AGBL1: variants seen among roughly 807,000 people sequenced by gnomAD.
AGBL1 encodes AGBL carboxypeptidase 1.
In AGBL1, 130 loss-of-function variants were observed where a neutral mutation model predicts 118.9. That is an observed-to-expected ratio of 1.09 (90% CI 0.95 to 1.26). AGBL1 has a LOEUF of 1.26. Ranked by LOEUF, AGBL1 falls within the 50% of genes most tolerant of loss-of-function variation. AGBL1 has a pLI of 0.00. For missense variants in AGBL1, 1,584 were observed against 1,298.1 expected (o/e 1.22, Z -3.38); for synonymous variants, 555 against 478.9 (o/e 1.16, Z -2.08).
chr15:86,474,432 C>T (rs1158842921), intron 18 of AGBL1, among the ~76,000 whole-genome samples: 1 of 152,196 alleles, frequency 6.6e-6, no homozygotes, highest in African/African-American at 2.4e-5. Flanking sequence ...AATTATATCC[C>T]GTGCCTGGCT....
At position 86,485,294 on chromosome 15, in the gene AGBL1, T is replaced by G. The variant is rs191162688; in HGVS notation, c.2556-37516T>G. On this transcript the variant is annotated intron_variant, in intron 18 of 22. Transcript: ENST00000614907. ...TGATCTTCGTGCAAAGTTTGAAGAG[T>G]GCTGCTCAAAGCCACATCTGAATAA... Among the ~76,000 whole-genome samples the G allele has an allele frequency of 3.9e-5, 6 of 152,286 alleles. No individual in the cohort carries two copies. In the East Asian group the frequency reaches 1.2e-3, roughly 29 times the overall value.
chr15:86,178,253 CAGTG>C (rs2077508261), intron 5 of AGBL1, among the ~76,000 whole-genome samples: 1 of 152,154 alleles, frequency 6.6e-6, no homozygotes, highest in Non-Finnish European at 1.5e-5. Context: ...TTGGAGGTTG[CAGTG>C]AGCCAAGGTC....
In AGBL1 at chr15:86,330,006, T is replaced by G. The variant is rs758053669; in HGVS notation, c.2374+34598T>G. On this transcript the variant is annotated intron_variant, in intron 17 of 22. Transcript: ENST00000614907. ...CTAGGAGGTTTTCCAGATTCAGACT[T>G]AGGCACACATCTGGGTGCTTGGTGG... Among the ~76,000 whole-genome samples, 13 of 152,342 alleles carry G rather than the reference T, an allele frequency of 8.5e-5. No homozygotes were observed. The East Asian group carries it at 2.3e-3, about 27-fold the overall frequency.
chr15:86,868,983 C>T (rs1165695353), intron 22 of AGBL1, among the ~76,000 whole-genome samples: 1 of 152,132 alleles, frequency 6.6e-6, no homozygotes, highest in Non-Finnish European at 1.5e-5. Flanking sequence ...CAATTCAAGG[C>T]CTTTAAATCA....
intron 22 of AGBL1, among the ~76,000 whole-genome samples, chr15:86,774,467 C>T (rs2078224708): frequency 6.6e-6 from 1 of 152,144 alleles, no homozygotes; most frequent in Admixed American, 6.6e-5. Flanking sequence ...TAGAATTTTT[C>T]ACATATTGGG....
In AGBL1 at chr15:86,159,801, G is replaced by A. The variant is rs28533278; in HGVS notation, c.488+775G>A. ...TCCATGCCCAACCATGATATTTTCT[G>A]CATCTCAGCGTCAATCTTAGCCTCA... is the stretch of plus-strand genomic sequence containing the variant. On this transcript the variant is annotated intron_variant, in intron 5 of 22. Transcript: ENST00000614907. Among the ~76,000 whole-genome samples the A allele has an allele frequency of 5.1e-3, 777 of 152,108 alleles. 5 individuals carry two copies. Among genetic ancestry groups the A allele is most frequent in the African/African-American group, 0.018 (738 of 41,486 alleles).
intron 22 of AGBL1, among the ~76,000 whole-genome samples, chr15:86,680,115 T>G (rs924644627): frequency 6.6e-6 from 1 of 152,222 alleles, no homozygotes; most frequent in African/African-American, 2.4e-5. Context: ...ATATTATTTT[T>G]CCAATGTTAA....
Position 86,909,766 on chromosome 15 carries a change from G to C in AGBL1, c.*2472G>C, listed in dbSNP as rs929179955. ...GATAATATTGAAATGTAATTGCTGAGAGAGGTGGGAATGATGCTAGCTTAT... is the reference window on the plus strand; with the variant it reads ...GATAATATTGAAATGTAATTGCTGACAGAGGTGGGAATGATGCTAGCTTAT... On this transcript the variant is annotated 3_prime_UTR_variant, in exon 23 of 23. Coordinates refer to ENST00000614907, the MANE Select transcript of AGBL1 (RefSeq NM_001386094.1). 2.0e-5 allele frequency: 3 copies of C among 152,196 alleles called. No individual in the cohort carries two copies. The highest frequency in any genetic ancestry group is 7.2e-5 in the African/African-American group (3 of 41,444). The allele number at this position is 152,196 out of a possible 1,614,324, so 9.4% of individuals were successfully genotyped here.
At chr15:87,022,284 A>G (rs1444143463) in intron 24 of AGBL1, among the ~76,000 whole-genome samples, 1 of 152,120 alleles carries the variant, frequency 6.6e-6, no homozygotes, top group East Asian at 1.9e-4. Context: ...AAATCACACT[A>G]GCTCACCAGC....
rs147483025 is a variant in AGBL1, at chr15:86,924,831, T to G, written c.3222-63156T>G. Among the ~76,000 whole-genome samples the G allele has an allele frequency of 6.6e-3, 1,003 of 152,086 alleles. 7 individuals carry two copies. The highest frequency in any genetic ancestry group is 0.022 in the African/African-American group (912 of 41,470). On this transcript the variant is annotated intron_variant, in intron 23 of 24. Transcript: ENST00000441037. ...TAACTCACACCTGTAATCCCAGCAC[T>G]TTGGGAGGCTGAGGAGGGTGGATCA...
intron 22 of AGBL1, among the ~76,000 whole-genome samples, chr15:86,695,132 C>A (rs892257136): frequency 1.3e-5 from 2 of 151,958 alleles, no homozygotes; most frequent in Non-Finnish European, 2.9e-5. Context: ...AGGATTTCCT[C>A]TTTCTCTATG....
At chr15:86,179,591 C>A (rs1157407705) in intron 5 of AGBL1, among the ~76,000 whole-genome samples, 2 of 151,946 alleles carry the variant, frequency 1.3e-5, no homozygotes, top group African/African-American at 4.8e-5. Context: ...ACTGTTAAGC[C>A]ACATCATACT....
At chr15:86,649,703 G>GT (rs147029398) in intron 21 of AGBL1, among the ~76,000 whole-genome samples, 3,354 of 140,140 alleles carry the variant, frequency 0.024, 69 homozygotes, top group African/African-American at 0.055. Context: ...ATTAATTTGG[G>GT]TTTTTTTTCT....
At chr15:86,705,108 A>G (rs2347237) in intron 22 of AGBL1, among the ~76,000 whole-genome samples, 147,447 of 152,180 alleles carry the variant, frequency 0.97, 71,461 homozygotes, top group East Asian at 0.99. Context: ...ACAGGGAGGG[A>G]AACGTCACAC....
intron 22 of AGBL1, among the ~76,000 whole-genome samples, chr15:86,895,376 G>C (rs2080110691): frequency 6.7e-6 from 1 of 150,106 alleles, no homozygotes; most frequent in African/African-American, 2.4e-5. Flanking sequence ...AGACTTTCCA[G>C]TTCTTTATCT....
At chr15:86,376,114 A>T (rs567717824) in intron 17 of AGBL1, among the ~76,000 whole-genome samples, 1 of 152,194 alleles carries the variant, frequency 6.6e-6, no homozygotes, top group Non-Finnish European at 1.5e-5. Context: ...AGAATATGGT[A>T]TGTGTTTTAA....
intron 1 of AGBL1, among the ~76,000 whole-genome samples, chr15:86,090,395 C>T (rs756172101): frequency 2.0e-5 from 3 of 152,140 alleles, no homozygotes; most frequent in Non-Finnish European, 2.9e-5. Context: ...AAGACAACTT[C>T]GTAAGCACTT....
intron 22 of AGBL1, among the ~76,000 whole-genome samples, chr15:86,904,533 A>G (rs1197669367): frequency 1.3e-5 from 2 of 149,608 alleles, no homozygotes; most frequent in East Asian, 3.9e-4. Context: ...TCCTAAATTT[A>G]TATATATGTT....
chr15:86,140,391 T>A (rs1338786732), intron 1 of AGBL1, among the ~76,000 whole-genome samples: 1 of 152,042 alleles, frequency 6.6e-6, no homozygotes, highest in African/African-American at 2.4e-5. Flanking sequence ...CATGTGCCTT[T>A]GGGGATGTTG....
Sources: gnomAD v4.1 joint callset for allele counts (sites outside exome capture counted in the v4.1 genomes callset) on GRCh38, gnomAD v4.1.1 for gene constraint, MANE v1.5 for transcripts, NCBI Gene and HGNC (gene_info 2026-07-23, HGNC 2026-07-21) for gene names.